Variants in INTS2 observed in about 807,000 individuals in gnomAD.
INTS2 encodes integrator complex subunit 2, also known as KIAA1287.
A neutral mutation model predicts 139.6 loss-of-function variants in INTS2; 57 were observed. That is an observed-to-expected ratio of 0.41 (90% CI 0.33 to 0.51). The LOEUF (loss-of-function observed/expected upper bound fraction) is 0.51. Among genes scored for constraint, INTS2 ranks in the 20% least tolerant of loss-of-function variants. INTS2 has a pLI of 0.28. For missense variants in INTS2, 1,196 were observed against 1,436.7 expected, an observed-to-expected ratio of 0.83 and a Z score of 2.71; for synonymous variants, 473 against 493.4, an observed-to-expected ratio of 0.96 and a Z score of 0.55.
At chr17:61,874,268 T>C (rs1197035041) in intron 19 of INTS2, 1 of 152,300 alleles carries the variant, frequency 6.6e-6, no homozygotes, top group East Asian at 1.9e-4. Flanking sequence ...TACCACACCA[T>C]TCATCTACAT....
In INTS2 at chr17:61,875,090, T is replaced by C; in HGVS notation, c.2457-52A>G. The C allele has an allele frequency of 7.4e-7, 1 of 1,352,306 alleles. No individual in the cohort carries two copies. Among genetic ancestry groups the C allele is most frequent in the Non-Finnish European group, 1.0e-6 (1 of 1,004,248 alleles). The allele number at this position is 1,352,306 out of a possible 1,614,324, so 83.8% of individuals were successfully genotyped here. ...AAACAGTTTTTTATATATTAAAATC[T>C]GTAGCCATCCAGTCCTTTCTATCTT... On this transcript the variant is annotated intron_variant, in intron 18 of 24. Transcript: ENST00000251334. The surrounding 1 kb of genome is among the most constrained non-coding windows in gnomAD (Gnocchi z 4.6).
chr17:61,880,991 C>T lies in INTS2; in HGVS notation c.2254+16G>A, dbSNP rs200322258. ...ACTACAAAAGGGGTTAAAGGAGTAT[C>T]AATAATTTACTATACCTTCTTGGAG... On this transcript the variant is annotated intron_variant, in intron 17 of 24. Transcript: ENST00000251334. The T allele has an allele frequency of 3.4e-5, 55 of 1,601,342 alleles. 1 individual carries two copies. In the African/African-American group the frequency reaches 6.4e-4, roughly 19 times the overall value.
chr17:61,879,700 G>A (rs2079160748), intron 17 of INTS2, among the ~76,000 whole-genome samples: 1 of 151,966 alleles, frequency 6.6e-6, no homozygotes, highest in Admixed American at 6.6e-5. Flanking sequence ...AATACAAAAA[G>A]TAGCTGGGTG....
At position 61,893,930 on chromosome 17, in the gene INTS2, A is replaced by G; in HGVS notation, c.1564-31T>C. The G allele has an allele frequency of 7.0e-7, 1 of 1,433,446 alleles. No individual in the cohort carries two copies. The highest frequency in any genetic ancestry group is 9.4e-7 in the Non-Finnish European group (1 of 1,062,372). The allele number at this position is 1,433,446 out of a possible 1,614,324, so 88.8% of individuals were successfully genotyped here. A position where few individuals can be genotyped will look rare whatever the true frequency, so the allele number is the denominator to read the frequency against. On this transcript the variant is annotated intron_variant, in intron 12 of 24. Transcript: ENST00000251334. The surrounding 1 kb of genome is among the most constrained non-coding windows in gnomAD (Gnocchi z 5.4). ...AGGGAAAAATAGCATTAGTAATATA[A>G]TAGAACTAAATATAAAATTATTTTG... is the stretch of plus-strand genomic sequence containing the variant.
Position 61,868,554 on chromosome 17 carries a change from C to T in INTS2, c.3244+480G>A, listed in dbSNP as rs1223036950. Among the ~76,000 whole-genome samples the T allele has an allele frequency of 6.6e-6, 1 of 152,040 alleles. No individual in the cohort carries two copies. Among genetic ancestry groups the T allele is most frequent in the Non-Finnish European group, 1.5e-5 (1 of 67,974 alleles). ...TATTTTAAAGTAGTTTATTTTCAGA[C>T]CATTTTATTCTACAAACCAGAAGGT... On this transcript the variant is annotated intron_variant, in intron 23 of 24. Coordinates refer to ENST00000251334, the MANE Select transcript of INTS2 (RefSeq NM_001351695.2). The surrounding 1 kb of genome is among the most constrained non-coding windows in gnomAD (Gnocchi z 4.7).
intron 14 of INTS2, among the ~76,000 whole-genome samples, chr17:61,890,127 A>C (rs1160491876): frequency 6.6e-6 from 1 of 152,224 alleles, no homozygotes; most frequent in Non-Finnish European, 1.5e-5. Flanking sequence ...AAGACAAAGA[A>C]AAGACTTCAG....
At chr17:61,902,948 C>T (rs1400422885) in intron 9 of INTS2, among the ~76,000 whole-genome samples, 7 of 150,244 alleles carry the variant, frequency 4.7e-5, no homozygotes, top group African/African-American at 1.7e-4. Flanking sequence ...GGGTGGATCG[C>T]GAGGTCAGGA....
chr17:61,927,908 G>A lies in INTS2; in HGVS notation c.-273C>T, dbSNP rs1884014001. 1.2e-6 allele frequency: 2 copies of A among 1,613,956 alleles called. No individual in the cohort carries two copies. Among genetic ancestry groups the A allele is most frequent in the Middle Eastern group, 1.6e-4 (1 of 6,062 alleles). On this transcript the variant is annotated 5_prime_UTR_variant, in exon 1 of 25. Coordinates refer to ENST00000251334, the MANE Select transcript of INTS2 (RefSeq NM_001351695.2). ...CGGGACTGTAGGAACGGAAAAGCGG[G>A]AGACTTTTTCAACCTGCACCCAGCA...
intron 5 of INTS2, among the ~76,000 whole-genome samples, chr17:61,914,186 C>T (rs748544177): frequency 6.6e-6 from 1 of 151,738 alleles, no homozygotes; most frequent in Non-Finnish European, 1.5e-5. Flanking sequence ...GAAATATATA[C>T]ACCATGGAAA....
At chr17:61,888,882 G>A (rs904741076) in intron 15 of INTS2, among the ~76,000 whole-genome samples, 1 of 151,838 alleles carries the variant, frequency 6.6e-6, no homozygotes, top group Non-Finnish European at 1.5e-5. Flanking sequence ...AAAATTAGCC[G>A]GGCGTCGTAG....
Position 61,877,967 on chromosome 17 carries a change from T to C in INTS2, c.2376A>G (p.Leu792=), listed in dbSNP as rs371210938. ...AEVLTSNMSQ[L]LNSGVPRRIL... ...TTCTCCGTGGAACCCCTGAATTCAA[T>C]AGCTGGCTCATATTGGATGTTAACA... Residue 792 remains leucine (L), a synonymous_variant, in exon 18 of 25, where the codon CTA becomes CTG. Coordinates refer to ENST00000251334, the MANE Select transcript of INTS2 (RefSeq NM_001351695.2). 2.9e-5 allele frequency: 47 copies of C among 1,613,672 alleles called. No individual in the cohort carries two copies. Among genetic ancestry groups the C allele is most frequent in the Non-Finnish European group, 3.7e-5 (44 of 1,179,674 alleles).
chr17:61,895,346 G>A lies in INTS2; in HGVS notation c.1532C>T (p.Thr511Ile). The A allele has an allele frequency of 1.3e-6, 2 of 1,583,078 alleles. No individual in the cohort carries two copies. Among genetic ancestry groups the A allele is most frequent in the Non-Finnish European group, 1.7e-6 (2 of 1,168,926 alleles). Residue 511 changes from threonine to isoleucine, a missense_variant, in exon 12 of 25, where the codon ACA becomes ATA. Coordinates refer to ENST00000251334, the MANE Select transcript of INTS2 (RefSeq NM_001351695.2). Reference sequence around the variant, plus strand: ...AGTAAAAATTTCCTGTGTGAAGATTGTCTTCATCCTGCTCAAGGAGCTTGG... The same window carrying A: ...AGTAAAAATTTCCTGTGTGAAGATTATCTTCATCCTGCTCAAGGAGCTTGG... ...IKPSSLSRMK[T>I]IFTQEIFTEQ...
intron 13 of INTS2, among the ~76,000 whole-genome samples, chr17:61,891,921 G>A (rs1208315732): frequency 9.2e-5 from 14 of 151,838 alleles, no homozygotes; most frequent in Non-Finnish European, 1.5e-4. Context: ...CTTGCCTTTC[G>A]GTTTAATCTA....
chr17:61,878,683 T>C (rs1219215060), intron 17 of INTS2, among the ~76,000 whole-genome samples: 1 of 152,100 alleles, frequency 6.6e-6, no homozygotes, highest in Non-Finnish European at 1.5e-5. Context: ...GGCTCACACC[T>C]GTAATCTCAG....
intron 5 of INTS2, among the ~76,000 whole-genome samples, chr17:61,913,647 G>A (rs1008029811): frequency 5.3e-5 from 8 of 152,022 alleles, no homozygotes; most frequent in African/African-American, 9.7e-5. Context: ...AAAAGATGAC[G>A]TCAACCTAAA....
chr17:61,897,349 G>T lies in INTS2; in HGVS notation c.1494+120C>A. ...AAAATGCATTTTTCTAAGCGCTCTTGATAAAACTTCTATTAAACAATTAAA... is the reference window on the plus strand; with the variant it reads ...AAAATGCATTTTTCTAAGCGCTCTTTATAAAACTTCTATTAAACAATTAAA... On this transcript the variant is annotated intron_variant, in intron 11 of 24. Transcript: ENST00000251334. This position sits in a 1 kb window ranked among gnomAD's most constrained non-coding sequence, Gnocchi z 4.4. 2 of 611,570 alleles carry T rather than the reference G, an allele frequency of 3.3e-6. No homozygotes were observed. Among genetic ancestry groups the T allele is most frequent in the Non-Finnish European group, 5.5e-6 (2 of 362,014 alleles). 37.9% of individuals were successfully genotyped at this position (611,570 alleles called of 1,614,324 possible).
rs780773481 is a variant in INTS2, at chr17:61,877,898, C to T, written c.2445G>A (p.Val815=). The T allele has an allele frequency of 1.2e-6, 2 of 1,611,014 alleles. No individual in the cohort carries two copies. The highest frequency in any genetic ancestry group is 3.3e-5 in the Admixed American group (2 of 60,008). Reference sequence around the variant, plus strand: ...TACACTGAATTTACCTTCTAGGCATCACAGTATTAAGAACCATCCATAGTT... The same window carrying T: ...TACACTGAATTTACCTTCTAGGCATTACAGTATTAAGAACCATCCATAGTT... ...VNKLWMVLNT[V]MPRRLWVMTV... is the part of the protein sequence containing the mutation. The change falls in exon 18 of 25, where the codon GTG becomes GTA. Residue 815 remains valine (V), a synonymous_variant. Transcript: ENST00000251334.
rs1035468895 is a variant in INTS2, at chr17:61,893,853, C to T, written c.1610G>A (p.Ser537Asn). 1 of 1,581,694 alleles carries T rather than the reference C, an allele frequency of 6.3e-7. No individual in the cohort carries two copies. Among genetic ancestry groups the T allele is most frequent in the African/African-American group, 1.3e-5 (1 of 74,114 alleles). ...AVRVPVTSNLSANITGFLPIH... is the reference protein window; with the variant it reads ...AVRVPVTSNLNANITGFLPIH... ...AGGCAAAAATCCAGTAATGTTGGCA[C>T]TCAGGTTGCTGGTGACAGGGACCCG... Residue 537 changes from serine (S) to asparagine (N), a missense_variant, in exon 13 of 25, where the codon AGT becomes AAT. Ser to Asn is a conservative substitution (Grantham distance 46, BLOSUM62 1). Around this residue, in one of 3 missense-constraint regions of INTS2, gnomAD observed 1,129 missense variants for 1,341.9 expected, o/e 0.84. Transcript: ENST00000251334. The surrounding 1 kb of genome is among the most constrained non-coding windows in gnomAD (Gnocchi z 5.4).
At chr17:61,902,962 C>G (rs2079422779) in intron 9 of INTS2, among the ~76,000 whole-genome samples, 1 of 150,354 alleles carries the variant, frequency 6.7e-6, no homozygotes, top group Non-Finnish European at 1.5e-5. Flanking sequence ...GTCAGGAGAT[C>G]GAGACCATCG....
Sources: allele counts gnomAD v4.1 joint callset (sites outside exome capture counted in the v4.1 genomes callset), GRCh38; gene constraint gnomAD v4.1.1; regional missense constraint gnomAD v4.1.1; non-coding constraint Gnocchi (gnomAD v3.1); transcripts MANE v1.5; gene names NCBI Gene and HGNC (gene_info 2026-07-23, HGNC 2026-07-21).